Variants in SGCG observed in about 807,000 individuals in gnomAD.
SGCG encodes gamma-sarcoglycan.
A neutral mutation model predicts 29.3 loss-of-function variants in SGCG; 26 were observed. The observed-to-expected ratio is 0.89, with a 90% CI of 0.65 to 1.23. The LOEUF (loss-of-function observed/expected upper bound fraction) is 1.23, where lower values mean the gene tolerates loss of function less well. SGCG is among the 50% of genes most tolerant of loss of function. The probability of loss-of-function intolerance (pLI) is 0.00; values close to 1 mark genes in which losing one functional copy is unlikely to be tolerated. For missense variants in SGCG, 353 were observed against 356.0 expected (o/e 0.99, Z 0.07); for synonymous variants, 145 against 129.7 (o/e 1.12, Z -0.80).
At chr13:23,222,867 C>T (rs73451627) in intron 2 of SGCG, among the ~76,000 whole-genome samples, 14,019 of 152,106 alleles carry the variant, frequency 0.092, 861 homozygotes, top group South Asian at 0.2. Flanking sequence ...TACTTTGAAA[C>T]TTCCATGGGC....
intron 2 of SGCG, among the ~76,000 whole-genome samples, chr13:23,220,481 T>C (rs9510634): frequency 0.77 from 117,246 of 151,860 alleles, 45,427 homozygotes; most frequent in East Asian, 0.92. Context: ...AAAAAATAAA[T>C]ACAAGAATAT....
chr13:23,214,223 C>T (rs1887757), intron 2 of SGCG, among the ~76,000 whole-genome samples: 35,773 of 152,024 alleles, frequency 0.24, 4,389 homozygotes, highest in East Asian at 0.37. Flanking sequence ...TGTTTTCCTA[C>T]ACATTGTTAA....
chr13:23,176,344 CA>C (rs751500393), upstream of SGCG, among the ~76,000 whole-genome samples: 1 of 151,974 alleles, frequency 6.6e-6, no homozygotes, highest in Admixed American at 6.6e-5. Context: ...GTAATGACAA[CA>C]AAAATACAAG....
At chr13:23,162,234 AC>A in the SGCG span, among the ~76,000 whole-genome samples, 1 of 152,372 alleles carries the variant, frequency 6.6e-6, no homozygotes, top group African/African-American at 2.4e-5. Context: ...ATATACACAC[AC>A]TATTACATTT....
the SGCG span, among the ~76,000 whole-genome samples, chr13:23,163,093 T>G: frequency 2.0e-5 from 3 of 152,232 alleles, no homozygotes; most frequent in Non-Finnish European, 2.9e-5. Flanking sequence ...GTAGGTTTTC[T>G]GTAGTTAAAT....
At chr13:23,167,516 C>T in the SGCG span, among the ~76,000 whole-genome samples, 9 of 152,148 alleles carry the variant, frequency 5.9e-5, no homozygotes, top group Non-Finnish European at 4.4e-5. Context: ...ACATTCCCAC[C>T]AACAGTGCAC....
chr13:23,289,483 A>G (rs999158144), intron 5 of SGCG, among the ~76,000 whole-genome samples: 1 of 152,222 alleles, frequency 6.6e-6, no homozygotes, highest in African/African-American at 2.4e-5. Flanking sequence ...ACATCTATCT[A>G]TAAGAGGGCC....
At chr13:23,290,842 T>C (rs9550949) in intron 5 of SGCG, among the ~76,000 whole-genome samples, 34,692 of 152,136 alleles carry the variant, frequency 0.23, 4,096 homozygotes, top group South Asian at 0.38. Context: ...ATTTCTATAA[T>C]TGAAGGAACC....
intron 6 of SGCG, among the ~76,000 whole-genome samples, chr13:23,305,821 A>G (rs1882341209): frequency 6.6e-6 from 1 of 152,212 alleles, no homozygotes; most frequent in Non-Finnish European, 1.5e-5. Context: ...CCAATCTTGC[A>G]TTCTGAGAAT....
At chr13:23,209,454 G>A (rs1451765605) in intron 2 of SGCG, among the ~76,000 whole-genome samples, 2 of 152,160 alleles carry the variant, frequency 1.3e-5, no homozygotes, top group African/African-American at 4.8e-5. Context: ...TTCATAGGAA[G>A]CTGGGAAAAT....
At chr13:23,269,649 AG>A (rs1353570195) in intron 4 of SGCG, among the ~76,000 whole-genome samples, 2 of 152,148 alleles carry the variant, frequency 1.3e-5, no homozygotes, top group African/African-American at 4.8e-5. Context: ...TTCACTGAAT[AG>A]TATGGCCCTC....
At chr13:23,234,377 T>C (rs1198139926) in intron 2 of SGCG, among the ~76,000 whole-genome samples, 3 of 152,320 alleles carry the variant, frequency 2.0e-5, no homozygotes, top group Non-Finnish European at 4.4e-5. Context: ...TTGAGTATTA[T>C]AAAATGACTC....
At chr13:23,180,345 AATAG>A (rs2137462895), upstream of SGCG, among the ~76,000 whole-genome samples, 1 of 25,716 alleles carries the variant, frequency 3.9e-5, no homozygotes, top group African/African-American at 2.3e-4. Context: ...TGTTAAACAC[AATAG>A]AAATGTTAGT....
chr13:23,223,276 CAAAAAAAAAAAA>C (rs10569811), intron 2 of SGCG, among the ~76,000 whole-genome samples: 5 of 103,812 alleles, frequency 4.8e-5, no homozygotes, highest in African/African-American at 1.9e-4. Flanking sequence ...GACTCTGTCA[CAAAAAAAAAAAA>C]AAAAAAAAAA....
chr13:23,187,087 G>A (rs989616112), intron 1 of SGCG, among the ~76,000 whole-genome samples: 3 of 152,152 alleles, frequency 2.0e-5, no homozygotes, highest in Admixed American at 2.0e-4. Context: ...TTGCCAAGAG[G>A]AGGCCTAGCT....
chr13:23,250,352 G>C (rs1879913000), intron 3 of SGCG, among the ~76,000 whole-genome samples: 1 of 151,650 alleles, frequency 6.6e-6, no homozygotes, highest in African/African-American at 2.4e-5. Context: ...CTGTTAAATT[G>C]CATATTTGTC....
intron 2 of SGCG, among the ~76,000 whole-genome samples, chr13:23,209,117 A>G (rs1252488777): frequency 6.6e-6 from 1 of 152,132 alleles, no homozygotes; most frequent in African/African-American, 2.4e-5. Context: ...GGGAAAAAAG[A>G]TATAAGTGAT....
intron 4 of SGCG, among the ~76,000 whole-genome samples, chr13:23,255,599 T>C (rs1018335805): frequency 2.6e-5 from 4 of 152,158 alleles, no homozygotes; most frequent in African/African-American, 9.6e-5. Context: ...AGTTGGGGCC[T>C]GATGGGAGGT....
At chr13:23,256,109 A>G (rs1880166254) in intron 4 of SGCG, among the ~76,000 whole-genome samples, 1 of 152,224 alleles carries the variant, frequency 6.6e-6, no homozygotes, top group African/African-American at 2.4e-5. Context: ...CATATCCTCA[A>G]GGTGCAAAAA....
Sources: gnomAD v4.1 joint callset for allele counts (sites outside exome capture counted in the v4.1 genomes callset) on GRCh38, gnomAD v4.1.1 for gene constraint, MANE v1.5 for transcripts, NCBI Gene and HGNC (gene_info 2026-07-23, HGNC 2026-07-21) for gene names.